HIVEP3: variants seen among roughly 807,000 people sequenced by gnomAD.
HIVEP3 encodes transcription factor HIVEP3.
Under a neutral mutation model 152.8 loss-of-function variants are expected in HIVEP3, and 49 were observed. The observed-to-expected ratio is 0.32, with a 90% CI of 0.26 to 0.41. The LOEUF (loss-of-function observed/expected upper bound fraction) is 0.41. Among genes scored for constraint, HIVEP3 ranks in the 10% least tolerant of loss-of-function variants. The pLI, the probability that HIVEP3 is intolerant of heterozygous loss-of-function variation, is 1.00. For synonymous variants in HIVEP3, 1,269 were observed against 1,289.0 expected, an observed-to-expected ratio of 0.98 and a Z score of 0.33; for missense variants, 2,790 against 3,103.3, an observed-to-expected ratio of 0.90 and a Z score of 2.40.
Position 41,662,854 on chromosome 1 carries a change from C to G in HIVEP3, c.-720-33907G>C, listed in dbSNP as rs904943432. Among the ~76,000 whole-genome samples the G allele has an allele frequency of 3.3e-5, 5 of 152,162 alleles. No individual in the cohort carries two copies. Among genetic ancestry groups the G allele is most frequent in the Non-Finnish European group, 7.4e-5 (5 of 67,992 alleles). On this transcript the variant is annotated intron_variant, in intron 2 of 8. Coordinates refer to ENST00000372583, the MANE Select transcript of HIVEP3 (RefSeq NM_024503.5). This position sits in a 1 kb window ranked among gnomAD's most constrained non-coding sequence, Gnocchi z 7.2. ...CCCGGGCCCAGCGGGAGTCCATCGC[C>G]GTCCCCAAAGTGTGCGCTCCCCGCC... is the stretch of plus-strand genomic sequence containing the variant.
chr1:41,897,900 A>G (rs1644555561), intron 1 of HIVEP3, among the ~76,000 whole-genome samples: 1 of 149,954 alleles, frequency 6.7e-6, no homozygotes, highest in South Asian at 2.2e-4. Context: ...TGCTGGGAGA[A>G]GGAGGACCCA....
At chr1:41,769,304 G>T (rs1332893794) in intron 1 of HIVEP3, among the ~76,000 whole-genome samples, 3 of 152,142 alleles carry the variant, frequency 2.0e-5, no homozygotes, top group South Asian at 4.1e-4. Flanking sequence ...GTGACTCAGG[G>T]TTACTGCTAC....
At chr1:41,840,702 C>T (rs1304368574) in intron 1 of HIVEP3, among the ~76,000 whole-genome samples, 4 of 152,170 alleles carry the variant, frequency 2.6e-5, no homozygotes, top group African/African-American at 9.7e-5. Context: ...TAACCCCTGG[C>T]CAGTGACACC....
chr1:41,552,582 GTA>G (rs1309269172), intron 5 of HIVEP3, among the ~76,000 whole-genome samples: 1 of 146,298 alleles, frequency 6.8e-6, no homozygotes, highest in Non-Finnish European at 1.5e-5. Flanking sequence ...ATTCCATAGT[GTA>G]TATGTGCCAC....
At chr1:41,833,328 T>G (rs1310168587) in intron 1 of HIVEP3, among the ~76,000 whole-genome samples, 5 of 152,124 alleles carry the variant, frequency 3.3e-5, no homozygotes, top group Non-Finnish European at 7.4e-5. Context: ...GGTCATGGAG[T>G]GCAGCTTCCC....
chr1:41,630,447 G>C (rs1645177474), intron 2 of HIVEP3, among the ~76,000 whole-genome samples: 1 of 152,190 alleles, frequency 6.6e-6, no homozygotes, highest in Non-Finnish European at 1.5e-5. Context: ...TTAAAAAGCA[G>C]AGTTTTCTCT....
chr1:41,882,199 T>C (rs905340069), intron 1 of HIVEP3, among the ~76,000 whole-genome samples: 1 of 152,192 alleles, frequency 6.6e-6, no homozygotes, highest in Non-Finnish European at 1.5e-5. Context: ...TGTGTTCCCA[T>C]GATCAGCCAG....
At chr1:41,738,675 C>CCAGT (rs1164830438) in intron 1 of HIVEP3, among the ~76,000 whole-genome samples, 1 of 152,190 alleles carries the variant, frequency 6.6e-6, no homozygotes, top group Non-Finnish European at 1.5e-5. Context: ...GCCCTGGATT[C>CCAGT]CAGTCCAAGC....
chr1:41,683,821 G>GT (rs1408799074), intron 2 of HIVEP3, among the ~76,000 whole-genome samples: 1 of 152,154 alleles, frequency 6.6e-6, no homozygotes, highest in Admixed American at 6.5e-5. Flanking sequence ...GCCCTCTGTG[G>GT]TGCTGCCCCT....
chr1:41,915,955 C>T (rs1387933373), intron 1 of HIVEP3, among the ~76,000 whole-genome samples: 1 of 152,150 alleles, frequency 6.6e-6, no homozygotes, highest in Admixed American at 6.5e-5. Flanking sequence ...ATGTCAGGGA[C>T]TCCTTGATGG....
At chr1:41,914,517 A>G (rs1644842045) in intron 1 of HIVEP3, among the ~76,000 whole-genome samples, 1 of 152,166 alleles carries the variant, frequency 6.6e-6, no homozygotes, top group Non-Finnish European at 1.5e-5. Flanking sequence ...AATTTTTAAA[A>G]TACTATTTTA....
chr1:41,580,808 A>G lies in HIVEP3; in HGVS notation c.3990T>C (p.Tyr1330=), dbSNP rs1469410292. 1.3e-6 allele frequency: 2 copies of G among 1,578,910 alleles called. No homozygotes were observed. Among genetic ancestry groups the G allele is most frequent in the East Asian group, 2.2e-5 (1 of 44,624 alleles). ...PVRVQTNMPS[Y]GSAMYTTLSQ... Reference sequence around the variant, plus strand: ...AAAGGGTGGTGTACATTGCGCTCCCATAGGACGGCATATTGGTCTGAACAC... The same window carrying G: ...AAAGGGTGGTGTACATTGCGCTCCCGTAGGACGGCATATTGGTCTGAACAC... Residue 1330 remains tyrosine (Y), a synonymous_variant, in exon 4 of 9, where the codon TAT becomes TAC. Transcript: ENST00000372583.
chr1:41,557,117 T>G (rs1346518206), intron 5 of HIVEP3, among the ~76,000 whole-genome samples: 4 of 152,196 alleles, frequency 2.6e-5, no homozygotes, highest in Non-Finnish European at 5.9e-5. Context: ...CAAGGTCCCT[T>G]GCTCTTCATC....
intron 1 of HIVEP3, among the ~76,000 whole-genome samples, chr1:42,001,558 T>C (rs547609210): frequency 3.3e-5 from 5 of 152,334 alleles, no homozygotes; most frequent in African/African-American, 1.2e-4. Flanking sequence ...GGATCAAGTA[T>C]TTATTGATTA....
At chr1:41,689,687 C>A (rs1373575839) in intron 2 of HIVEP3, among the ~76,000 whole-genome samples, 1 of 152,318 alleles carries the variant, frequency 6.6e-6, no homozygotes, top group East Asian at 1.9e-4. Flanking sequence ...CTGAAAATAG[C>A]CGCCCGACTA....
Position 41,509,965 on chromosome 1 carries a change from G to A in HIVEP3, c.*486C>T, listed in dbSNP as rs72669004. ...TCTGCTGGCAGAGAGGGGTGGCTAC[G>A]AGCTGGGCAGGGGGGTGAAGTGGCA... On this transcript the variant is annotated 3_prime_UTR_variant, in exon 9 of 9. Transcript: ENST00000372583. 0.011 allele frequency: 1,608 copies of A among 152,476 alleles called. 14 individuals are homozygous for A. The highest frequency in any genetic ancestry group is 0.018 in the Non-Finnish European group (1,259 of 68,214). 9.4% of individuals were successfully genotyped at this position (152,476 alleles called of 1,614,324 possible). A position where few individuals can be genotyped will look rare whatever the true frequency, so the allele number is the denominator to read the frequency against.
At chr1:42,015,352 T>C (rs1312830667) in intron 1 of HIVEP3, among the ~76,000 whole-genome samples, 1 of 152,224 alleles carries the variant, frequency 6.6e-6, no homozygotes, top group Non-Finnish European at 1.5e-5. Context: ...TTCCAGGGCC[T>C]TACTCAGTGA....
At chr1:41,812,545 C>G (rs984088777) in intron 1 of HIVEP3, among the ~76,000 whole-genome samples, 20 of 152,214 alleles carry the variant, frequency 1.3e-4, no homozygotes, top group African/African-American at 4.8e-4. Flanking sequence ...TAGACAATCT[C>G]AGCAGCTTTC....
At chr1:41,926,390 C>A (rs558352886) in intron 1 of HIVEP3, among the ~76,000 whole-genome samples, 2 of 152,344 alleles carry the variant, frequency 1.3e-5, no homozygotes, top group Non-Finnish European at 2.9e-5. Context: ...CATCTGGGAT[C>A]TAATTCTGTC....
Sources: allele counts gnomAD v4.1 joint callset (sites outside exome capture counted in the v4.1 genomes callset), GRCh38; gene constraint gnomAD v4.1.1; non-coding constraint Gnocchi (gnomAD v3.1); transcripts MANE v1.5; gene names NCBI Gene and HGNC (gene_info 2026-07-23, HGNC 2026-07-21).